The following TBC1D9 variants were observed in gnomAD, a reference collection of about 807,000 sequenced individuals.
TBC1D9 encodes the protein TBC1 domain family member 9A.
In TBC1D9, 63 loss-of-function variants were observed where a neutral mutation model predicts 132.0. That is an observed-to-expected ratio of 0.48 (90% CI 0.39 to 0.59). TBC1D9 has a LOEUF of 0.59. Among genes scored for constraint, TBC1D9 ranks in the 20% least tolerant of loss-of-function variants. The pLI, the probability that TBC1D9 is intolerant of heterozygous loss-of-function variation, is 0.00. For missense variants in TBC1D9, 1,261 were observed against 1,592.7 expected, an observed-to-expected ratio of 0.79 and a Z score of 3.54; for synonymous variants, 610 against 609.9, an observed-to-expected ratio of 1.00 and a Z score of 0.00.
chr4:140,644,166 G>T, intron 13 of TBC1D9: 1 of 360,318 alleles, frequency 2.8e-6, no homozygotes, highest in South Asian at 3.0e-5. Flanking sequence ...GTAGTGTGGT[G>T]GCAGGGCTTG....
At chr4:140,639,469 A>C (rs749018958) in intron 13 of TBC1D9, 41 bp from the exon 14 acceptor site, 1 of 1,391,548 alleles carries the variant, frequency 7.2e-7, no homozygotes, top group African/African-American at 1.4e-5. Context: ...AAAATCTCTT[A>C]CAGCACACAA....
intron 1 of TBC1D9, among the ~76,000 whole-genome samples, chr4:140,733,124 T>C (rs1207873686): frequency 1.3e-5 from 2 of 152,086 alleles, no homozygotes; most frequent in African/African-American, 4.8e-5. Flanking sequence ...TGTATCTCCA[T>C]CCATGGTGGA....
At position 140,687,373 on chromosome 4, in the gene TBC1D9, T is replaced by TG. The variant is rs1214633276; in HGVS notation, c.242-912_242-911insC. On this transcript the variant is annotated intron_variant, in intron 2 of 20. Transcript: ENST00000442267. ...ATATATATATATATATATATATATA[T>TG]ATATATATATATATATATATATAAA... 8.7e-5 allele frequency among the ~76,000 whole-genome samples: 8 copies of TG among 92,034 alleles called. 1 individual carries two copies. The highest frequency in any genetic ancestry group is 1.9e-4 in the African/African-American group (5 of 26,994). The allele number at this position is 92,034 out of a possible 152,430, so 60.4% of individuals were successfully genotyped here. A position where few individuals can be genotyped will look rare whatever the true frequency, so the allele number is the denominator to read the frequency against.
intron 1 of TBC1D9, among the ~76,000 whole-genome samples, chr4:140,703,472 C>T (rs541322265): frequency 1.1e-4 from 17 of 152,188 alleles, no homozygotes; most frequent in African/African-American, 3.9e-4. Flanking sequence ...CTGGCTCTGA[C>T]TCTGTTATAA....
At chr4:140,751,655 T>C (rs540020295) in intron 1 of TBC1D9, among the ~76,000 whole-genome samples, 1 of 152,240 alleles carries the variant, frequency 6.6e-6, no homozygotes, top group African/African-American at 2.4e-5. Context: ...ACAGAGTAAA[T>C]AGGTAAGGAA....
chr4:140,650,636 G>C (rs1288454709), intron 13 of TBC1D9, among the ~76,000 whole-genome samples: 2 of 152,076 alleles, frequency 1.3e-5, no homozygotes, highest in Non-Finnish European at 2.9e-5. Flanking sequence ...AGGTTCAATC[G>C]ATTCTCTTGC....
intron 13 of TBC1D9, among the ~76,000 whole-genome samples, chr4:140,656,009 T>G (rs1004002966): frequency 1.3e-5 from 2 of 152,078 alleles, no homozygotes; most frequent in Admixed American, 1.3e-4. Flanking sequence ...GGTAAAGCAC[T>G]GGAGAGCCAC....
chr4:140,621,644 T>C lies in TBC1D9; in HGVS notation c.*551A>G, dbSNP rs1484655325. On this transcript the variant is annotated 3_prime_UTR_variant, in exon 21 of 21. Coordinates refer to ENST00000442267, the MANE Select transcript of TBC1D9 (RefSeq NM_015130.3). ...TTTGAAGGGGAACATCTGTGGAATA[T>C]GATTTTGAATAGAGGACTTCTATGA... is the stretch of plus-strand genomic sequence containing the variant. 1.3e-5 allele frequency: 2 copies of C among 152,244 alleles called. No individual in the cohort carries two copies. The highest frequency in any genetic ancestry group is 2.9e-5 in the Non-Finnish European group (2 of 68,044). 9.4% of individuals were successfully genotyped at this position (152,244 alleles called of 1,614,324 possible). A position where few individuals can be genotyped will look rare whatever the true frequency, so the allele number is the denominator to read the frequency against.
At chr4:140,722,044 T>C (rs1335931183) in intron 1 of TBC1D9, among the ~76,000 whole-genome samples, 1 of 152,166 alleles carries the variant, frequency 6.6e-6, no homozygotes, top group Non-Finnish European at 1.5e-5. Flanking sequence ...ATTCCTCCCC[T>C]GTCCTGGGAC....
At chr4:140,687,893 C>G (rs1186058897) in intron 2 of TBC1D9, among the ~76,000 whole-genome samples, 1 of 152,016 alleles carries the variant, frequency 6.6e-6, no homozygotes, top group Non-Finnish European at 1.5e-5. Flanking sequence ...CAAGACCAGG[C>G]TGGGTAACAT....
At chr4:140,692,169 G>T (rs947037368) in intron 2 of TBC1D9, among the ~76,000 whole-genome samples, 16 of 152,018 alleles carry the variant, frequency 1.1e-4, no homozygotes, top group Non-Finnish European at 2.1e-4. Flanking sequence ...AGGTACATTT[G>T]TATGTGCATA....
rs576489429 is a variant in TBC1D9, at chr4:140,663,669, A to G, written c.1589-1562T>C. On this transcript the variant is annotated intron_variant, in intron 9 of 20. Coordinates refer to ENST00000442267, the MANE Select transcript of TBC1D9 (RefSeq NM_015130.3). The stretch of plus-strand genomic sequence containing the variant: ...CCATTAAGAGATGAATGGATAAAGA[A>G]AATGGGGCATATATACAAAATGGGA... 6.6e-5 allele frequency among the ~76,000 whole-genome samples: 10 copies of G among 152,336 alleles called. 1 individual carries two copies. In the South Asian group the frequency reaches 2.1e-3, roughly 32 times the overall value.
intron 1 of TBC1D9, among the ~76,000 whole-genome samples, chr4:140,754,196 A>T (rs914567603): frequency 6.6e-6 from 1 of 152,218 alleles, no homozygotes. Flanking sequence ...TTCACATCCT[A>T]TTACAAATGA....
At chr4:140,694,682 ATC>A (rs991048412) in intron 2 of TBC1D9, among the ~76,000 whole-genome samples, 49 of 149,488 alleles carry the variant, frequency 3.3e-4, no homozygotes, top group African/African-American at 1.1e-3. Flanking sequence ...TTAAATACAT[ATC>A]TGTTATATAT....
At chr4:140,742,590 C>T (rs928939255) in intron 1 of TBC1D9, among the ~76,000 whole-genome samples, 2 of 144,804 alleles carry the variant, frequency 1.4e-5, no homozygotes, top group African/African-American at 5.1e-5. Flanking sequence ...TTAGAATGCA[C>T]ATCTGACAAG....
intron 2 of TBC1D9, among the ~76,000 whole-genome samples, chr4:140,692,050 G>A (rs984824904): frequency 5.3e-5 from 8 of 152,114 alleles, no homozygotes; most frequent in Non-Finnish European, 1.2e-4. Context: ...TACCTCCTAG[G>A]AATAATACAT....
At chr4:140,717,217 C>G (rs1041042177) in intron 1 of TBC1D9, among the ~76,000 whole-genome samples, 4 of 152,104 alleles carry the variant, frequency 2.6e-5, no homozygotes, top group Non-Finnish European at 5.9e-5. Context: ...GTTACCTGAA[C>G]CAGGAGATGC....
At chr4:140,713,580 T>A (rs892686385) in intron 1 of TBC1D9, among the ~76,000 whole-genome samples, 14 of 151,618 alleles carry the variant, frequency 9.2e-5, no homozygotes, top group Middle Eastern at 3.2e-3. Context: ...ACAAAAAAAA[T>A]ATTAAAAATT....
intron 1 of TBC1D9, 50 bp downstream of exon 1, chr4:140,755,866 G>A (rs1334213181): frequency 2.0e-6 from 3 of 1,484,300 alleles, no homozygotes; most frequent in South Asian, 2.5e-5. Context: ...CGCGGGCGGC[G>A]CCGCAGCGCT....
Sources: allele counts gnomAD v4.1 joint callset (sites outside exome capture counted in the v4.1 genomes callset), GRCh38; gene constraint gnomAD v4.1.1; transcripts MANE v1.5; gene names NCBI Gene and HGNC (gene_info 2026-07-23, HGNC 2026-07-21).